Variants in CCDC102B observed in about 807,000 individuals in gnomAD.
CCDC102B encodes coiled-coil domain-containing protein 102B.
CCDC102B carries 75 observed loss-of-function variants against 57.4 expected under a neutral mutation model. The ratio of observed to expected loss-of-function variants is 1.31; its 90% confidence interval spans 1.08 to 1.58. CCDC102B has a LOEUF of 1.58. Among genes scored for constraint, CCDC102B ranks in the 40% most tolerant of loss-of-function variants. The pLI is 0.00. For missense variants in CCDC102B, 636 were observed against 582.6 expected, an observed-to-expected ratio of 1.09 and a Z score of -0.94; for synonymous variants, 206 against 201.9, an observed-to-expected ratio of 1.02 and a Z score of -0.17.
At chr18:69,007,672 G>T (rs1036822122) in intron 6 of CCDC102B, among the ~76,000 whole-genome samples, 4 of 152,178 alleles carry the variant, frequency 2.6e-5, no homozygotes, top group African/African-American at 9.7e-5. Context: ...AAGTGATGCC[G>T]TTGCTGCTGG....
In CCDC102B at chr18:69,040,243, C is replaced by T. The variant is rs146595984; in HGVS notation, c.1435-13787C>T. Reference sequence around the variant, plus strand: ...CTGGTGGCATTATCCATTTCATTATCGCTACTAAACCAATATTTTATTTTT... The same window carrying T: ...CTGGTGGCATTATCCATTTCATTATTGCTACTAAACCAATATTTTATTTTT... On this transcript the variant is annotated intron_variant, in intron 7 of 7. Transcript: ENST00000360242. Among the ~76,000 whole-genome samples, 85 of 152,050 alleles carry T rather than the reference C, an allele frequency of 5.6e-4. 2 individuals are homozygous for T. Among genetic ancestry groups the T allele is most frequent in the African/African-American group, 2.0e-3 (81 of 41,520 alleles).
intron 6 of CCDC102B, among the ~76,000 whole-genome samples, chr18:68,995,417 A>G (rs1182219655): frequency 6.6e-6 from 1 of 152,124 alleles, no homozygotes. Flanking sequence ...CTTAGGAGGA[A>G]AAAACGGTTT....
chr18:68,788,214 T>A (rs1408595904), intron 2 of CCDC102B, among the ~76,000 whole-genome samples: 1 of 152,214 alleles, frequency 6.6e-6, no homozygotes, highest in East Asian at 1.9e-4. Flanking sequence ...TAATTTCTGA[T>A]CTTTTACATT....
rs146454513 is a variant in CCDC102B, at chr18:69,026,138, A to G, written c.1434+15034A>G. Reference sequence around the variant, plus strand: ...TGATTCAGCCAGGGGCTTGGGTGAAAAGGAGCTGGAATACTCCGCAGTGTA... The same window carrying G: ...TGATTCAGCCAGGGGCTTGGGTGAAGAGGAGCTGGAATACTCCGCAGTGTA... On this transcript the variant is annotated intron_variant, in intron 7 of 7. Transcript: ENST00000360242. Among the ~76,000 whole-genome samples the G allele has an allele frequency of 2.2e-3, 340 of 152,168 alleles. 1 individual carries two copies. Among genetic ancestry groups the G allele is most frequent in the African/African-American group, 7.9e-3 (326 of 41,510 alleles).
intron 6 of CCDC102B, among the ~76,000 whole-genome samples, chr18:68,958,606 T>C (rs571546070): frequency 3.3e-5 from 5 of 152,312 alleles, no homozygotes; most frequent in Middle Eastern, 3.4e-3. Flanking sequence ...TCTCTTTCTC[T>C]ACCTCATCTT....
At chr18:69,031,120 C>T (rs1568136765) in intron 7 of CCDC102B, among the ~76,000 whole-genome samples, 1 of 152,126 alleles carries the variant, frequency 6.6e-6, no homozygotes, top group South Asian at 2.1e-4. Context: ...AAAATAATTT[C>T]CCCTATGTCT....
intron 6 of CCDC102B, among the ~76,000 whole-genome samples, chr18:68,911,337 G>A (rs74336840): frequency 0.017 from 2,586 of 152,246 alleles, 85 homozygotes; most frequent in African/African-American, 0.058. Context: ...CGCAGGAACA[G>A]AAAACCAAAT....
chr18:68,903,821 C>T (rs1021407298), intron 6 of CCDC102B, among the ~76,000 whole-genome samples: 4 of 151,988 alleles, frequency 2.6e-5, no homozygotes, highest in African/African-American at 4.8e-5. Flanking sequence ...TCAGTGTGCC[C>T]GGGCAGTAAT....
intron 1 of CCDC102B, among the ~76,000 whole-genome samples, chr18:68,803,983 C>T (rs1344002571): frequency 3.3e-5 from 5 of 152,228 alleles, no homozygotes; most frequent in South Asian, 2.1e-4. Context: ...AGCATCCACT[C>T]GGCTGTGCTG....
intron 4 of CCDC102B, among the ~76,000 whole-genome samples, chr18:68,870,845 A>G (rs756503653): frequency 6.6e-6 from 1 of 152,186 alleles, no homozygotes; most frequent in Non-Finnish European, 1.5e-5. Context: ...ATCATTTTGA[A>G]GGTTAAAATG....
intron 6 of CCDC102B, among the ~76,000 whole-genome samples, chr18:69,005,864 AATC>A (rs1330049792): frequency 6.6e-6 from 1 of 151,676 alleles, no homozygotes; most frequent in Non-Finnish European, 1.5e-5. Flanking sequence ...CAAGATCTGA[AATC>A]ATGGAAATCT....
chr18:68,957,611 T>G (rs2049937226), intron 6 of CCDC102B, among the ~76,000 whole-genome samples: 4 of 149,950 alleles, frequency 2.7e-5, no homozygotes. Context: ...CTTTTGTGGT[T>G]CCATATGAGT....
At chr18:68,829,263 T>C (rs558870414) in intron 1 of CCDC102B, among the ~76,000 whole-genome samples, 5 of 152,142 alleles carry the variant, frequency 3.3e-5, no homozygotes, top group Non-Finnish European at 5.9e-5. Flanking sequence ...TTTACAGAAA[T>C]GCTTTTTGCT....
chr18:68,784,452 C>T (rs2035118791), intron 2 of CCDC102B, among the ~76,000 whole-genome samples: 1 of 152,078 alleles, frequency 6.6e-6, no homozygotes, highest in Non-Finnish European at 1.5e-5. Flanking sequence ...CAAACCTCAC[C>T]TCCAACACTG....
At chr18:68,951,007 C>T (rs755953681) in intron 6 of CCDC102B, among the ~76,000 whole-genome samples, 1 of 151,968 alleles carries the variant, frequency 6.6e-6, no homozygotes, top group Non-Finnish European at 1.5e-5. Flanking sequence ...ATATATGGGA[C>T]AGAGTTAACA....
chr18:68,828,499 T>C (rs2037006210), intron 1 of CCDC102B, among the ~76,000 whole-genome samples: 1 of 151,510 alleles, frequency 6.6e-6, no homozygotes, highest in South Asian at 2.1e-4. Context: ...CATGGTTCAA[T>C]GAGGAATTCG....
At chr18:68,720,159 G>A (rs542688976) in intron 2 of CCDC102B, among the ~76,000 whole-genome samples, 18 of 152,238 alleles carry the variant, frequency 1.2e-4, no homozygotes, top group African/African-American at 4.1e-4. Flanking sequence ...GAATAGGAAG[G>A]CAATTCTATG....
At chr18:69,031,779 A>T (rs2052152996) in intron 7 of CCDC102B, among the ~76,000 whole-genome samples, 1 of 152,150 alleles carries the variant, frequency 6.6e-6, no homozygotes, top group Non-Finnish European at 1.5e-5. Flanking sequence ...ATGGTGTGGC[A>T]GGTGGTGTCT....
At chr18:69,020,686 C>G (rs569951837) in intron 7 of CCDC102B, among the ~76,000 whole-genome samples, 34 of 152,232 alleles carry the variant, frequency 2.2e-4, no homozygotes, top group African/African-American at 7.9e-4. Flanking sequence ...AATGTCAGAA[C>G]TGACAGTCTA....
Sources: allele counts gnomAD v4.1 joint callset (sites outside exome capture counted in the v4.1 genomes callset), GRCh38; gene constraint gnomAD v4.1.1; transcripts MANE v1.5; gene names NCBI Gene and HGNC (gene_info 2026-07-23, HGNC 2026-07-21).